SEC14L5: variants seen among roughly 807,000 people sequenced by gnomAD.
SEC14L5 encodes the protein SEC14-like protein 5.
In SEC14L5, 96 loss-of-function variants were observed where a neutral mutation model predicts 84.6. That is an observed-to-expected ratio of 1.13 (90% CI 0.96 to 1.34). SEC14L5 has a LOEUF of 1.34. Among genes scored for constraint, SEC14L5 ranks in the 40% most tolerant of loss-of-function variants. The pLI, the probability that SEC14L5 is intolerant of heterozygous loss-of-function variation, is 0.00. For missense variants in SEC14L5, 1,224 were observed against 942.5 expected, an observed-to-expected ratio of 1.30 and a Z score of -3.91; for synonymous variants, 546 against 383.4, an observed-to-expected ratio of 1.42 and a Z score of -4.95.
Position 4,963,319 on chromosome 16 carries a change from G to T in SEC14L5, c.63+3933G>T, listed in dbSNP as rs180942891. The stretch of plus-strand genomic sequence containing the variant: ...CACGAATTTTGCTTCTAAAGAGAAG[G>T]ATTCTAGGGTATCTTTCCTCCTCCC... On this transcript the variant is annotated intron_variant, in intron 2 of 15. Coordinates refer to ENST00000251170, the MANE Select transcript of SEC14L5 (RefSeq NM_014692.2). Among the ~76,000 whole-genome samples, 5 of 152,204 alleles carry T rather than the reference G, an allele frequency of 3.3e-5. No homozygotes were observed. The East Asian group carries it at 9.6e-4, about 29-fold the overall frequency.
chr16:4,983,958 C>T lies in SEC14L5; in HGVS notation c.64-3599C>T, dbSNP rs560510813. ...GTGGATTCATATGTGTGTATGTGTA[C>T]ATATAAACACATACACTTGGAGAGA... On this transcript the variant is annotated intron_variant, in intron 2 of 15. Transcript: ENST00000251170. Among the ~76,000 whole-genome samples the T allele has an allele frequency of 1.5e-3, 231 of 152,008 alleles. 2 individuals carry two copies. Among genetic ancestry groups the T allele is most frequent in the African/African-American group, 5.0e-3 (209 of 41,422 alleles).
At chr16:4,987,497 TGGG>T in intron 2 of SEC14L5, 57 bp from the exon 3 acceptor site, 5 of 1,140,730 alleles carry the variant, frequency 4.4e-6, no homozygotes, top group East Asian at 6.1e-5. Flanking sequence ...GAGGTCGCGC[TGGG>T]GGGGGGGGTC....
rs777251624 is a variant in SEC14L5 at position 4,987,726 on chromosome 16, G to A, written c.213+20G>A. 86 of 1,474,962 alleles carry A rather than the reference G, an allele frequency of 5.8e-5. No homozygotes were observed. The highest frequency in any genetic ancestry group is 7.4e-5 in the Non-Finnish European group (83 of 1,120,654). 91.4% of individuals were successfully genotyped at this position (1,474,962 alleles called of 1,614,324 possible). A position where few individuals can be genotyped will look rare whatever the true frequency, so the allele number is the denominator to read the frequency against. ...CGGAAGGTGGGCGGCCCTGGGGCTG[G>A]GGGGCGGAGGAGGGGACCTGTTGCG... On this transcript the variant is annotated intron_variant, in intron 3 of 15. Coordinates refer to ENST00000251170, the MANE Select transcript of SEC14L5 (RefSeq NM_014692.2).
intron 10 of SEC14L5, 26 bp downstream of exon 10, chr16:5,000,951 C>G: frequency 3.8e-6 from 6 of 1,568,788 alleles, no homozygotes; most frequent in African/African-American, 2.7e-5. Context: ...GGGCACAAAT[C>G]CCCCCTAAAC....
chr16:4,965,107 C>T (rs1955181255), intron 2 of SEC14L5, among the ~76,000 whole-genome samples: 2 of 152,142 alleles, frequency 1.3e-5, no homozygotes. Flanking sequence ...TTAACGTATA[C>T]ATCTTGAATG....
chr16:4,979,444 C>T (rs911869983), intron 2 of SEC14L5, among the ~76,000 whole-genome samples: 3 of 152,206 alleles, frequency 2.0e-5, no homozygotes, highest in African/African-American at 7.2e-5. Flanking sequence ...CCTACTTCAT[C>T]AGGAGCAGCA....
At position 4,965,807 on chromosome 16, in the gene SEC14L5, C is replaced by T. The variant is rs150912487; in HGVS notation, c.63+6421C>T. On this transcript the variant is annotated intron_variant, in intron 2 of 15. Coordinates refer to ENST00000251170, the MANE Select transcript of SEC14L5 (RefSeq NM_014692.2). ...ATGTAATCCCAGCACTTTAGGAGGC[C>T]GAAGCAGGAGGACTGCTTGAGCTGA... Among the ~76,000 whole-genome samples the T allele has an allele frequency of 4.2e-3, 641 of 151,826 alleles. 4 individuals carry two copies. The highest frequency in any genetic ancestry group is 0.014 in the Middle Eastern group (4 of 294).
In SEC14L5 at chr16:4,996,914, G is replaced by A. The variant is rs1955617766; in HGVS notation, c.840G>A (p.Lys280=). Residue 280 remains lysine (K), a synonymous_variant, in exon 8 of 16, where the codon AAG becomes AAA. Transcript: ENST00000251170. The part of the protein sequence containing the change: ...FLRAHDFHLD[K]AREMLRQSLS... ...GGGCTCATGACTTCCACCTGGACAA[G>A]GCCCGGGAAATGCTGCGCCAGTCCT... The A allele has an allele frequency of 6.2e-7, 1 of 1,613,656 alleles. No individual in the cohort carries two copies. Among genetic ancestry groups the A allele is most frequent in the Non-Finnish European group, 8.5e-7 (1 of 1,179,820 alleles).
At chr16:4,985,904 T>TGTTG (rs1345628255) in intron 2 of SEC14L5, among the ~76,000 whole-genome samples, 1 of 152,000 alleles carries the variant, frequency 6.6e-6, no homozygotes, top group Non-Finnish European at 1.5e-5. Flanking sequence ...AATAGCCTGA[T>TGTTG]GTTGGTATAA....
Position 4,991,846 on chromosome 16 carries a change from G to A in SEC14L5, c.483G>A (p.Glu161=), listed in dbSNP as rs1955556278. The change falls in exon 6 of 16, where the codon GAG becomes GAA. Residue 161 remains glutamate, a synonymous_variant. Transcript: ENST00000251170. ...GTCTCTCTGGCTTCCAGGGGAAGGA[G>A]GTGATTGAGCATTACCTGAATGAGC... ...QYTANVKRGK[E]VIEHYLNELI... 2 of 1,604,078 alleles carry A rather than the reference G, an allele frequency of 1.2e-6. No individual in the cohort carries two copies. Among genetic ancestry groups the A allele is most frequent in the Non-Finnish European group, 1.7e-6 (2 of 1,175,306 alleles).
chr16:5,003,917 C>T (rs1002309183), intron 11 of SEC14L5, among the ~76,000 whole-genome samples: 6 of 152,238 alleles, frequency 3.9e-5, no homozygotes, highest in East Asian at 1.9e-4. Context: ...TGAGCCACTG[C>T]GCCTGACCTG....
intron 2 of SEC14L5, among the ~76,000 whole-genome samples, chr16:4,960,336 G>A (rs1365228444): frequency 1.3e-5 from 2 of 152,122 alleles, no homozygotes; most frequent in African/African-American, 2.4e-5. Flanking sequence ...TTACACCGAA[G>A]TCTTGTAAAT....
chr16:4,975,200 T>A (rs577022657), intron 2 of SEC14L5, among the ~76,000 whole-genome samples: 5 of 152,076 alleles, frequency 3.3e-5, no homozygotes, highest in Non-Finnish European at 7.4e-5. Context: ...CAAAAGACAT[T>A]ATTTTGTCAC....
chr16:4,999,695 C>T (rs1213106421), intron 8 of SEC14L5, among the ~76,000 whole-genome samples: 2 of 152,072 alleles, frequency 1.3e-5, no homozygotes, highest in African/African-American at 4.8e-5. Context: ...CGGCAGATCA[C>T]TTGAGGCCAG....
intron 6 of SEC14L5, among the ~76,000 whole-genome samples, chr16:4,993,145 C>T (rs769338011): frequency 6.6e-6 from 1 of 152,086 alleles, no homozygotes; most frequent in East Asian, 1.9e-4. Flanking sequence ...TGGGCTCAAA[C>T]GATCCTCCTG....
At chr16:4,989,384 G>C (rs1955528973) in intron 4 of SEC14L5, among the ~76,000 whole-genome samples, 1 of 149,866 alleles carries the variant, frequency 6.7e-6, no homozygotes, top group Admixed American at 6.7e-5. Flanking sequence ...CCAGGCTGGA[G>C]TGCACTGGCA....
At chr16:5,003,363 C>T (rs1169155058) in intron 10 of SEC14L5, 39 bp from the exon 11 acceptor site, 3 of 1,569,036 alleles carry the variant, frequency 1.9e-6, no homozygotes, top group South Asian at 1.1e-5. Context: ...CCTTGGGAGG[C>T]AGCAGAGCCA....
intron 11 of SEC14L5, among the ~76,000 whole-genome samples, chr16:5,004,830 A>C (rs1955713624): frequency 6.6e-6 from 1 of 152,204 alleles, no homozygotes; most frequent in Admixed American, 6.5e-5. Flanking sequence ...GCTCAGTGTT[A>C]AAATGGATTC....
In SEC14L5 at chr16:5,008,561, G is replaced by A. The variant is rs1319751813; in HGVS notation, c.1713G>A (p.Gly571=). Residue 571 remains glycine (G), a synonymous_variant, in exon 14 of 16, where the codon GGG becomes GGA. Transcript: ENST00000251170. Reference sequence around the variant, plus strand: ...GGGAACCGGGGACCAGGGCCAGCGGGCAGCTGATCGACAAAGGCTGGGTCC... The same window carrying A: ...GGGAACCGGGGACCAGGGCCAGCGGACAGCTGATCGACAAAGGCTGGGTCC... ...GAREPGTRAS[G]QLIDKGWVLG... 2.5e-6 allele frequency: 4 copies of A among 1,608,444 alleles called. No individual in the cohort carries two copies. Among genetic ancestry groups the A allele is most frequent in the Non-Finnish European group, 2.5e-6 (3 of 1,177,998 alleles).
Sources: gnomAD v4.1 joint callset for allele counts (sites outside exome capture counted in the v4.1 genomes callset) on GRCh38, gnomAD v4.1.1 for gene constraint, MANE v1.5 for transcripts, NCBI Gene and HGNC (gene_info 2026-07-23, HGNC 2026-07-21) for gene names.